Variants in FANCL observed in about 807,000 individuals in gnomAD.
The protein encoded by FANCL is FA complementation group L.
FANCL carries 69 observed loss-of-function variants against 59.4 expected under a neutral mutation model. The ratio of observed to expected loss-of-function variants is 1.16; its 90% confidence interval spans 0.96 to 1.42. FANCL has a LOEUF of 1.42. Among genes scored for constraint, FANCL ranks in the 40% most tolerant of loss-of-function variants. The pLI is 0.00. For missense variants in FANCL, 519 were observed against 447.2 expected, an observed-to-expected ratio of 1.16 and a Z score of -1.45; for synonymous variants, 180 against 147.1, an observed-to-expected ratio of 1.22 and a Z score of -1.62.
chr2:58,209,747 C>A (rs1281799881), intron 5 of FANCL, among the ~76,000 whole-genome samples: 1 of 151,980 alleles, frequency 6.6e-6, no homozygotes, highest in East Asian at 1.9e-4. Context: ...TAAGTTTGCC[C>A]AAGATCACAC....
chr2:58,204,085 A>C, intron 6 of FANCL, 45 bp downstream of exon 6: 1 of 1,429,522 alleles, frequency 7.0e-7, no homozygotes, highest in South Asian at 1.1e-5. Flanking sequence ...AGTTCATTTC[A>C]CAAAGTATTT....
At position 58,165,710 on chromosome 2, in the gene FANCL, C is replaced by T. The variant is rs1573531599; in HGVS notation, c.691+14G>A. 1.2e-6 allele frequency: 2 copies of T among 1,613,840 alleles called. No individual in the cohort carries two copies. The highest frequency in any genetic ancestry group is 2.2e-5 in the South Asian group (2 of 91,084). On this transcript the variant is annotated intron_variant, in intron 8 of 13. Coordinates refer to ENST00000233741, the MANE Select transcript of FANCL (RefSeq NM_018062.4). ...AACACCTAAAAACAAACCCTTAATC[C>T]TCCTTGTCCCTACCTAATGCAATTC...
chr2:58,208,674 T>C (rs2105182633), intron 5 of FANCL, among the ~76,000 whole-genome samples: 1 of 152,332 alleles, frequency 6.6e-6, no homozygotes, highest in South Asian at 2.1e-4. Flanking sequence ...GAATAAAGCA[T>C]CCAAGTTTCC....
intron 7 of FANCL, among the ~76,000 whole-genome samples, chr2:58,172,265 A>C (rs1198676149): frequency 6.6e-6 from 1 of 152,186 alleles, no homozygotes; most frequent in Non-Finnish European, 1.5e-5. Flanking sequence ...CTCAGCACGC[A>C]CCTGGAGATC....
At chr2:58,237,672 G>T (rs748631020) in intron 1 of FANCL, among the ~76,000 whole-genome samples, 2 of 151,978 alleles carry the variant, frequency 1.3e-5, no homozygotes, top group Non-Finnish European at 2.9e-5. Flanking sequence ...TAGATGTATC[G>T]GGGGAAAAAA....
At chr2:58,173,604 C>T (rs1219988646) in intron 7 of FANCL, among the ~76,000 whole-genome samples, 4 of 152,090 alleles carry the variant, frequency 2.6e-5, no homozygotes, top group Non-Finnish European at 5.9e-5. Flanking sequence ...TTTGTCACCA[C>T]CAGGCCTGCC....
At chr2:58,202,109 T>G (rs1431900011) in intron 6 of FANCL, among the ~76,000 whole-genome samples, 1 of 151,462 alleles carries the variant, frequency 6.6e-6, no homozygotes, top group Non-Finnish European at 1.5e-5. Flanking sequence ...TTCCCTAAAA[T>G]TTTTGTTTCC....
intron 7 of FANCL, among the ~76,000 whole-genome samples, chr2:58,168,186 G>A (rs1686152179): frequency 1.3e-5 from 2 of 152,148 alleles, no homozygotes; most frequent in South Asian, 2.1e-4. Flanking sequence ...AACAGCTCCA[G>A]TCTGCAGCTC....
At chr2:58,175,357 T>C (rs1199253528) in intron 7 of FANCL, among the ~76,000 whole-genome samples, 2 of 149,614 alleles carry the variant, frequency 1.3e-5, no homozygotes, top group Non-Finnish European at 2.9e-5. Context: ...ACCAATATCC[T>C]TGATGAACAT....
chr2:58,173,908 C>A (rs942083565), intron 7 of FANCL, among the ~76,000 whole-genome samples: 1 of 151,976 alleles, frequency 6.6e-6, no homozygotes, highest in Non-Finnish European at 1.5e-5. Context: ...CAAGCAGAGA[C>A]ACACATAGGC....
Position 58,159,654 on chromosome 2 carries a change from C to T in FANCL, c.*111G>A, listed in dbSNP as rs780745258. ...ATTATTATCGCATCATCATACCTGT[C>T]CTTTTGATGTTAGTATTTCTTGCTT... is the stretch of plus-strand genomic sequence containing the variant. On this transcript the variant is annotated 3_prime_UTR_variant, in exon 14 of 14. Coordinates refer to ENST00000233741, the MANE Select transcript of FANCL (RefSeq NM_018062.4). The T allele has an allele frequency of 5.0e-6, 8 of 1,613,432 alleles. No homozygotes were observed. In the South Asian group the frequency reaches 7.7e-5, roughly 16 times the overall value.
intron 5 of FANCL, among the ~76,000 whole-genome samples, chr2:58,210,924 C>A (rs553657353): frequency 1.3e-5 from 2 of 152,158 alleles, no homozygotes; most frequent in Non-Finnish European, 2.9e-5. Flanking sequence ...GGGTATGGCA[C>A]CCCCACCCGG....
Position 58,159,317 on chromosome 2 carries a change from CAAACT to C in FANCL, c.*443_*447del, listed in dbSNP as rs768039421. 8 of 1,515,500 alleles carry C rather than the reference CAAACT, an allele frequency of 5.3e-6. No homozygotes were observed. Among genetic ancestry groups the C allele is most frequent in the South Asian group, 3.9e-5 (3 of 77,756 alleles). 93.9% of individuals were successfully genotyped at this position (1,515,500 alleles called of 1,614,324 possible). On this transcript the variant is annotated 3_prime_UTR_variant, in exon 14 of 14. Transcript: ENST00000233741. ...AAATACTTGGATAACTCACGTCTAACAAACTAAACTATATATGTATTTTTTCCATA... is the reference window on the plus strand; with the variant it reads ...AAATACTTGGATAACTCACGTCTAACAAACTATATATGTATTTTTTCCATA...
intron 7 of FANCL, among the ~76,000 whole-genome samples, chr2:58,181,950 A>G (rs1201455608): frequency 2.0e-5 from 3 of 151,702 alleles, no homozygotes; most frequent in Admixed American, 6.6e-5. Context: ...TCAAATCTAT[A>G]TATTTAAATA....
chr2:58,163,459 C>G lies in FANCL; in HGVS notation c.750G>C (p.Glu250Asp). ...CATGGTCAGCTCCAAGAAAGAAGCA[C>G]TCAGGAAGCATAGTAGGATGCCTGG... ...VDPRHPTMLP[E>D]CFFLGADHVV... The change falls in exon 9 of 14, where the codon GAG becomes GAC. Residue 250 changes from glutamate to aspartate, a missense_variant. Physicochemically the swap from Glu to Asp is conservative, Grantham distance 45. Coordinates refer to ENST00000233741, the MANE Select transcript of FANCL (RefSeq NM_018062.4). 6.2e-7 allele frequency: 1 copy of G among 1,611,012 alleles called. No individual in the cohort carries two copies. Among genetic ancestry groups the G allele is most frequent in the Non-Finnish European group, 8.5e-7 (1 of 1,177,438 alleles).
intron 7 of FANCL, among the ~76,000 whole-genome samples, chr2:58,185,296 C>T (rs1688293476): frequency 6.6e-6 from 1 of 152,104 alleles, no homozygotes; most frequent in Admixed American, 6.6e-5. Context: ...AAATTCTCTG[C>T]ACCTAAATCA....
chr2:58,175,480 A>T (rs1213146440), intron 7 of FANCL, among the ~76,000 whole-genome samples: 1 of 151,918 alleles, frequency 6.6e-6, no homozygotes, highest in South Asian at 2.1e-4. Flanking sequence ...CTGGTTCAAT[A>T]TACGCAAATC....
intron 6 of FANCL, among the ~76,000 whole-genome samples, chr2:58,198,948 G>A (rs1689714551): frequency 6.7e-6 from 1 of 149,784 alleles, no homozygotes; most frequent in African/African-American, 2.5e-5. Context: ...AGAATGGCGT[G>A]AACCTGGGAG....
At chr2:58,186,621 T>G (rs975391287) in intron 7 of FANCL, among the ~76,000 whole-genome samples, 1 of 152,176 alleles carries the variant, frequency 6.6e-6, no homozygotes, top group African/African-American at 2.4e-5. Context: ...TTTTCCGGCT[T>G]CCATGCCACT....
Sources: gnomAD v4.1 joint callset for allele counts (sites outside exome capture counted in the v4.1 genomes callset) on GRCh38, gnomAD v4.1.1 for gene constraint, MANE v1.5 for transcripts, NCBI Gene and HGNC (gene_info 2026-07-23, HGNC 2026-07-21) for gene names.